Variants in GGACT observed in about 807,000 individuals in gnomAD.
GGACT encodes gamma-glutamylamine cyclotransferase.
For synonymous variants in GGACT, 118 were observed against 115.3 expected, an observed-to-expected ratio of 1.02 and a Z score of -0.15; for missense variants, 241 against 233.2, an observed-to-expected ratio of 1.03 and a Z score of -0.22.
intron 2 of GGACT, chr13:100,538,954 C>CTAAG (rs1186277085): frequency 1.3e-5 from 2 of 152,046 alleles, no homozygotes; most frequent in African/African-American, 2.4e-5. Context: ...AAGTTTATTC[C>CTAAG]TAAGTATTTT....
intron 2 of GGACT, among the ~76,000 whole-genome samples, chr13:100,546,525 A>G (rs1450200256): frequency 1.3e-5 from 2 of 152,154 alleles, no homozygotes; most frequent in East Asian, 3.9e-4. Flanking sequence ...GTAATAAGGA[A>G]ATAGACTGGG....
intron 2 of GGACT, among the ~76,000 whole-genome samples, chr13:100,566,633 G>C (rs1054174029): frequency 1.1e-4 from 1 of 9,272 alleles, no homozygotes; most frequent in African/African-American, 1.9e-4. Flanking sequence ...CTCAGCCCTG[G>C]TAACTGGGTG....
At chr13:100,566,356 G>A (rs558169249) in intron 2 of GGACT, among the ~76,000 whole-genome samples, 1 of 152,366 alleles carries the variant, frequency 6.6e-6, no homozygotes, top group South Asian at 2.1e-4. Flanking sequence ...CACACTGCCT[G>A]TGGTACTTTC....
intron 2 of GGACT, among the ~76,000 whole-genome samples, chr13:100,562,723 G>C (rs531293905): frequency 2.0e-5 from 3 of 151,682 alleles, no homozygotes; most frequent in Non-Finnish European, 4.4e-5. Context: ...TTGAACCCAG[G>C]AGGCGGAGGT....
intron 2 of GGACT, among the ~76,000 whole-genome samples, chr13:100,551,880 C>G (rs570759326): frequency 1.3e-5 from 2 of 152,358 alleles, no homozygotes; most frequent in East Asian, 3.9e-4. Context: ...AGGTCTCTGT[C>G]TCTCAGAGGG....
intron 2 of GGACT, among the ~76,000 whole-genome samples, chr13:100,557,096 G>A (rs2088715547): frequency 6.6e-6 from 1 of 152,170 alleles, no homozygotes. Context: ...TTGCCATGTT[G>A]GCCAGACTGG....
chr13:100,532,621 C>A lies in GGACT; in HGVS notation c.-10-20G>T. ...GCAGAGCTGCAGGGAGAGGGGAAGTCACAGGTCAGCCCGCAGTGGGAGCTC... is the reference window on the plus strand; with the variant it reads ...GCAGAGCTGCAGGGAGAGGGGAAGTAACAGGTCAGCCCGCAGTGGGAGCTC... On this transcript the variant is annotated intron_variant, in intron 2 of 2. Transcript: ENST00000683975. The A allele has an allele frequency of 6.6e-7, 1 of 1,506,888 alleles. No individual in the cohort carries two copies. The highest frequency in any genetic ancestry group is 1.3e-5 in the South Asian group (1 of 78,962). 93.3% of individuals were successfully genotyped at this position (1,506,888 alleles called of 1,614,324 possible).
intron 2 of GGACT, among the ~76,000 whole-genome samples, chr13:100,549,192 T>C (rs2088635467): frequency 6.6e-6 from 1 of 152,028 alleles, no homozygotes; most frequent in African/African-American, 2.4e-5. Flanking sequence ...AAAAACAAAA[T>C]TAGCCAGATG....
At chr13:100,539,087 ATTAG>A (rs1256424059) in intron 2 of GGACT, 1 of 152,260 alleles carries the variant, frequency 6.6e-6, no homozygotes, top group East Asian at 1.9e-4. Context: ...GAATTTGCTT[ATTAG>A]TTCTAAAAGT....
chr13:100,546,239 A>G (rs954469444), intron 2 of GGACT, among the ~76,000 whole-genome samples: 14 of 151,664 alleles, frequency 9.2e-5, no homozygotes, highest in Admixed American at 5.9e-4. Context: ...GCGGGCGCCT[A>G]TAGTCCCAGC....
rs2088456560 is a variant in GGACT at position 100,534,078 on chromosome 13, G to T, written c.-10-1477C>A. ...AGTGGACCCTGAAGAAACTGAAGAA[G>T]TCACACTGAACTCATGGGACTTCTG... On this transcript the variant is annotated intron_variant, in intron 2 of 2. Transcript: ENST00000683975. The surrounding 1 kb of genome is among the most constrained non-coding windows in gnomAD (Gnocchi z 4.9). 6.6e-6 allele frequency among the ~76,000 whole-genome samples: 1 copy of T among 152,238 alleles called. No individual in the cohort carries two copies. Among genetic ancestry groups the T allele is most frequent in the Non-Finnish European group, 1.5e-5 (1 of 68,044 alleles).
intron 2 of GGACT, among the ~76,000 whole-genome samples, chr13:100,571,670 CGT>C (rs1356484848): frequency 6.6e-6 from 1 of 152,116 alleles, no homozygotes; most frequent in East Asian, 1.9e-4. Flanking sequence ...AAAACCCTGC[CGT>C]GTTTCAGCTG....
At chr13:100,568,888 G>C (rs1425584855) in intron 2 of GGACT, among the ~76,000 whole-genome samples, 1 of 152,254 alleles carries the variant, frequency 6.6e-6, no homozygotes, top group African/African-American at 2.4e-5. Context: ...AAACAAAGGG[G>C]CTACAGGCCC....
At chr13:100,562,625 G>A (rs919723839) in intron 2 of GGACT, among the ~76,000 whole-genome samples, 9 of 151,806 alleles carry the variant, frequency 5.9e-5, no homozygotes, top group East Asian at 1.9e-4. Flanking sequence ...GTAAAACCCC[G>A]TCTCTACTAA....
chr13:100,535,427 T>C (rs2088477456), intron 2 of GGACT, among the ~76,000 whole-genome samples: 1 of 152,232 alleles, frequency 6.6e-6, no homozygotes, highest in Non-Finnish European at 1.5e-5. Flanking sequence ...GCACAGACTT[T>C]AACTGTGTGA....
At chr13:100,551,503 G>GA (rs904296350) in intron 2 of GGACT, among the ~76,000 whole-genome samples, 10 of 152,126 alleles carry the variant, frequency 6.6e-5, no homozygotes, top group Admixed American at 6.5e-5. Flanking sequence ...AGAAAAGAAG[G>GA]AAAAAGGGAT....
At position 100,530,533 on chromosome 13, in the gene GGACT, T is replaced by TTGA; in HGVS notation, c.*1594_*1596dup. On this transcript the variant is annotated 3_prime_UTR_variant, in exon 3 of 3. Transcript: ENST00000683975. ...ATTTCTTTGTGATCCTTTTAAGAGA[T>TTGA]TGATATAAATGTCAGTCAGTTCTCT... is the stretch of plus-strand genomic sequence containing the variant. 2.7e-6 allele frequency: 1 copy of TTGA among 364,030 alleles called. No homozygotes were observed. The highest frequency in any genetic ancestry group is 2.5e-5 in the South Asian group (1 of 40,290). The allele number at this position is 364,030 out of a possible 1,614,324, so 22.5% of individuals were successfully genotyped here. A position where few individuals can be genotyped will look rare whatever the true frequency, so the allele number is the denominator to read the frequency against.
intron 2 of GGACT, among the ~76,000 whole-genome samples, chr13:100,548,720 G>A (rs911783577): frequency 1.3e-5 from 2 of 152,216 alleles, no homozygotes; most frequent in African/African-American, 2.4e-5. Flanking sequence ...TTAAAAAAAT[G>A]TAAGAACCGA....
intron 2 of GGACT, among the ~76,000 whole-genome samples, chr13:100,579,307 A>T (rs940373911): frequency 1.3e-5 from 2 of 152,178 alleles, no homozygotes; most frequent in Non-Finnish European, 2.9e-5. Flanking sequence ...AGGAGTACCC[A>T]CAGCTGTGGG....
Sources: allele counts gnomAD v4.1 joint callset (sites outside exome capture counted in the v4.1 genomes callset), GRCh38; gene constraint gnomAD v4.1.1; non-coding constraint Gnocchi (gnomAD v3.1); transcripts MANE v1.5; gene names NCBI Gene and HGNC (gene_info 2026-07-23, HGNC 2026-07-21).